DOCK10: variants seen among roughly 807,000 people sequenced by gnomAD.
The protein encoded by DOCK10 is dedicator of cytokinesis protein 10.
DOCK10 carries 145 observed loss-of-function variants against 280.1 expected under a neutral mutation model. The observed-to-expected ratio is 0.52, with a 90% confidence interval of 0.45 to 0.59. DOCK10 has a LOEUF of 0.59. DOCK10 is among the 20% of genes least tolerant of loss of function. The pLI, the probability that DOCK10 is intolerant of heterozygous loss-of-function variation, is 0.00. For missense variants in DOCK10, 2,368 were observed against 2,651.7 expected, an observed-to-expected ratio of 0.89 and a Z score of 2.35; for synonymous variants, 915 against 942.2, an observed-to-expected ratio of 0.97 and a Z score of 0.53.
chr2:225,034,055 A>G (rs1244007328), intron 1 of DOCK10, among the ~76,000 whole-genome samples: 1 of 152,242 alleles, frequency 6.6e-6, no homozygotes, highest in Admixed American at 6.5e-5. Context: ...ACTGAAGCAG[A>G]GCAAAAGTAG....
intron 42 of DOCK10, 145 bp downstream of exon 42, chr2:224,797,687 G>T: frequency 1.1e-6 from 1 of 879,124 alleles, no homozygotes; most frequent in East Asian, 2.5e-5. Flanking sequence ...TTTGAGACCA[G>T]GAATCAATGT....
chr2:224,816,003 C>CA (rs1694111333), intron 30 of DOCK10, among the ~76,000 whole-genome samples: 1 of 152,008 alleles, frequency 6.6e-6, no homozygotes, highest in Middle Eastern at 3.2e-3. Flanking sequence ...ACTGTACTCC[C>CA]AGCCTGGGTG....
chr2:224,920,236 C>CTTTTTT (rs377415968), intron 2 of DOCK10, among the ~76,000 whole-genome samples: 1 of 126,228 alleles, frequency 7.9e-6, no homozygotes, highest in Non-Finnish European at 1.6e-5. Flanking sequence ...CTAATTTTCA[C>CTTTTTT]TTTTTTTTTT....
intron 3 of DOCK10, among the ~76,000 whole-genome samples, chr2:224,898,274 C>T (rs1014183805): frequency 5.9e-5 from 9 of 152,138 alleles, no homozygotes; most frequent in African/African-American, 1.9e-4. Context: ...CTCAGTACCA[C>T]GGCTTTATTT....
At chr2:224,952,803 G>A (rs1049306556) in intron 1 of DOCK10, among the ~76,000 whole-genome samples, 5 of 151,760 alleles carry the variant, frequency 3.3e-5, no homozygotes, top group Admixed American at 3.3e-4. Context: ...CGTTTTAGCC[G>A]GGATGGTCTC....
At chr2:224,924,584 T>C (rs1276924377) in intron 2 of DOCK10, among the ~76,000 whole-genome samples, 1 of 152,218 alleles carries the variant, frequency 6.6e-6, no homozygotes, top group Non-Finnish European at 1.5e-5. Flanking sequence ...TATACCACAT[T>C]CTGTTTACCC....
intron 41 of DOCK10, among the ~76,000 whole-genome samples, chr2:224,798,788 T>C (rs895697465): frequency 2.6e-5 from 4 of 151,966 alleles, no homozygotes; most frequent in Non-Finnish European, 5.9e-5. Flanking sequence ...TGTGCCACCA[T>C]AGTTGACTAA....
chr2:224,802,582 C>T (rs1162901836), intron 39 of DOCK10, among the ~76,000 whole-genome samples: 1 of 152,064 alleles, frequency 6.6e-6, no homozygotes, highest in Non-Finnish European at 1.5e-5. Flanking sequence ...GTTAAAGGAC[C>T]TCTGTGCCTC....
intron 7 of DOCK10, among the ~76,000 whole-genome samples, chr2:224,877,360 T>A (rs139727617): frequency 1.3e-5 from 2 of 148,974 alleles, no homozygotes; most frequent in Non-Finnish European, 3.0e-5. Context: ...CATGTAATAG[T>A]ACGGACACTT....
intron 3 of DOCK10, among the ~76,000 whole-genome samples, chr2:224,910,981 T>TC (rs1455887925): frequency 2.6e-4 from 39 of 151,946 alleles, no homozygotes; most frequent in African/African-American, 8.9e-4. Flanking sequence ...TCTCCCTTTT[T>TC]TTTTTCTATT....
At chr2:224,960,922 T>G (rs1704339249) in intron 1 of DOCK10, among the ~76,000 whole-genome samples, 1 of 151,744 alleles carries the variant, frequency 6.6e-6, no homozygotes, top group Non-Finnish European at 1.5e-5. Context: ...GTATTTTTAG[T>G]AGAGACGGGG....
Position 224,805,554 on chromosome 2 carries a change from G to A in DOCK10, c.3815-25C>T, listed in dbSNP as rs200671822. ...GCTGTAAACACAAGCCACAGCACAC[G>A]TATGGGAATGAGATGTATGGGCACA... On this transcript the variant is annotated intron_variant, in intron 34 of 55. Transcript: ENST00000258390. The surrounding 1 kb of genome is among the most constrained non-coding windows in gnomAD (Gnocchi z 4.3). The A allele has an allele frequency of 1.2e-3, 1,908 of 1,610,680 alleles. 10 individuals are homozygous for A. Among genetic ancestry groups the A allele is most frequent in the East Asian group, 8.3e-3 (374 of 44,812 alleles).
chr2:224,840,550 C>T (rs974517030), intron 23 of DOCK10, among the ~76,000 whole-genome samples: 1 of 152,082 alleles, frequency 6.6e-6, no homozygotes, highest in African/African-American at 2.4e-5. Flanking sequence ...CAAATTAAAA[C>T]CACAGTGGGA....
chr2:224,827,441 C>G (rs965266584), intron 27 of DOCK10, among the ~76,000 whole-genome samples: 5 of 152,026 alleles, frequency 3.3e-5, no homozygotes, highest in African/African-American at 9.7e-5. Flanking sequence ...CTGCTGGACA[C>G]AATCATGCTG....
rs971137558 is a variant in DOCK10 at position 224,874,949 on chromosome 2, T to G, written c.932-198A>C. 5.3e-4 allele frequency among the ~76,000 whole-genome samples: 80 copies of G among 152,220 alleles called. 1 individual carries two copies. Among genetic ancestry groups the G allele is most frequent in the African/African-American group, 1.9e-3 (78 of 41,468 alleles). ...TGGAAATCAGACCCTCTGATGATCA[T>G]TTTGGGATTCTTGCTATGATACCAT... On this transcript the variant is annotated intron_variant, in intron 8 of 55. Coordinates refer to ENST00000258390, the MANE Select transcript of DOCK10 (RefSeq NM_014689.3).
chr2:224,977,758 A>C (rs879913965), intron 1 of DOCK10, among the ~76,000 whole-genome samples: 1 of 152,206 alleles, frequency 6.6e-6, no homozygotes, highest in Non-Finnish European at 1.5e-5. Flanking sequence ...ATAAGAATCT[A>C]CATTAGTTAA....
Position 224,823,582 on chromosome 2 carries a change from T to C in DOCK10, c.3102A>G (p.Leu1034=), listed in dbSNP as rs529738152. The change falls in exon 28 of 56, where the codon CTA becomes CTG. Residue 1034 remains leucine (L), a synonymous_variant. Transcript: ENST00000258390. ...TGTATTTCCAAATCACATGGTCGGA[T>C]AGGACCATGACAAGATTGTCCAATT... The part of the protein sequence containing the change: ...QNELDNLVMV[L]SDHVIWKYKD... 21 of 1,608,810 alleles carry C rather than the reference T, an allele frequency of 1.3e-5. No individual in the cohort carries two copies. The highest frequency in any genetic ancestry group is 1.7e-4 in the Middle Eastern group (1 of 6,056).
chr2:224,882,565 T>A (rs111444921), intron 7 of DOCK10, among the ~76,000 whole-genome samples: 1 of 152,196 alleles, frequency 6.6e-6, no homozygotes, highest in Non-Finnish European at 1.5e-5. Flanking sequence ...AAAACGATGA[T>A]ATGGATTAAG....
intron 7 of DOCK10, among the ~76,000 whole-genome samples, chr2:224,879,814 A>T (rs1698872477): frequency 6.6e-6 from 1 of 152,124 alleles, no homozygotes; most frequent in Non-Finnish European, 1.5e-5. Context: ...AAGAACTGTA[A>T]ATGTCCAGAG....
Sources: allele counts gnomAD v4.1 joint callset (sites outside exome capture counted in the v4.1 genomes callset), GRCh38; gene constraint gnomAD v4.1.1; non-coding constraint Gnocchi (gnomAD v3.1); transcripts MANE v1.5; gene names NCBI Gene and HGNC (gene_info 2026-07-23, HGNC 2026-07-21).